RXRA: variants seen among roughly 807,000 people sequenced by gnomAD.
RXRA encodes retinoid X receptor alpha.
RXRA carries 5 observed loss-of-function variants against 44.5 expected under a neutral mutation model. That is an observed-to-expected ratio of 0.11 (90% confidence interval 0.06 to 0.24). The LOEUF (loss-of-function observed/expected upper bound fraction) is 0.24, where lower values mean the gene tolerates loss of function less well. Among genes scored for constraint, RXRA ranks in the 10% least tolerant of loss-of-function variants. The probability of loss-of-function intolerance (pLI) is 1.00; values close to 1 mark genes in which losing one functional copy is unlikely to be tolerated. For synonymous variants in RXRA, 291 were observed against 271.4 expected, an observed-to-expected ratio of 1.07 and a Z score of -0.71; for missense variants, 412 against 646.5, an observed-to-expected ratio of 0.64 and a Z score of 3.93.
chr9:134,426,893 G>C lies in RXRA; in HGVS notation c.911-2215G>C, dbSNP rs1831442843. ...CAGGAAGTCTGTCCACACTGGGCCTGGTGTGGGAAGGGAGGGAGAGCCCTT... is the reference window on the plus strand; with the variant it reads ...CAGGAAGTCTGTCCACACTGGGCCTCGTGTGGGAAGGGAGGGAGAGCCCTT... On this transcript the variant is annotated intron_variant, in intron 6 of 9. Transcript: ENST00000481739. The surrounding 1 kb of genome is among the most constrained non-coding windows in gnomAD (Gnocchi z 4.6). 1 of 985,246 alleles carries C rather than the reference G, an allele frequency of 1.0e-6. No individual in the cohort carries two copies. The highest frequency in any genetic ancestry group is 1.2e-6 in the Non-Finnish European group (1 of 829,906). The allele number at this position is 985,246 out of a possible 1,614,324, so 61.0% of individuals were successfully genotyped here.
intron 1 of RXRA, among the ~76,000 whole-genome samples, chr9:134,397,799 C>T (rs114010192): frequency 0.015 from 2,282 of 152,172 alleles, 53 homozygotes; most frequent in African/African-American, 0.052. Flanking sequence ...TTCAGTTTTG[C>T]CACTCAGGCC....
intron 1 of RXRA, among the ~76,000 whole-genome samples, chr9:134,375,048 C>T (rs1017178308): frequency 2.0e-5 from 3 of 152,112 alleles, no homozygotes; most frequent in Non-Finnish European, 4.4e-5. Flanking sequence ...AGGGAGTGCT[C>T]TTGAGGGGGT....
At chr9:134,347,140 T>A (rs1554748919) in intron 1 of RXRA, among the ~76,000 whole-genome samples, 1 of 150,988 alleles carries the variant, frequency 6.6e-6, no homozygotes, top group Non-Finnish European at 1.5e-5. Flanking sequence ...GATGGAGGCC[T>A]TGCCATCACT....
intron 1 of RXRA, among the ~76,000 whole-genome samples, chr9:134,330,592 C>T (rs1389161825): frequency 1.3e-5 from 2 of 152,228 alleles, no homozygotes; most frequent in African/African-American, 4.8e-5. Context: ...GGGTGCAGCT[C>T]TGTCTTTCAT....
At chr9:134,434,406 G>A (rs748679602) in intron 9 of RXRA, among the ~76,000 whole-genome samples, 199 bp downstream of exon 9, 76 of 152,084 alleles carry the variant, frequency 5.0e-4, no homozygotes, top group Non-Finnish European at 6.5e-4. Flanking sequence ...GGCCCACGTC[G>A]TATCCCCACT....
Position 134,433,684 on chromosome 9 carries a change from G to A in RXRA, c.1136-418G>A, listed in dbSNP as rs1831569031. ...TCCGCAGGGTCTGGGTACTCCTGGG[G>A]GCAGCAGCGCTATCTCCCATCCATG... On this transcript the variant is annotated intron_variant, in intron 8 of 9. Coordinates refer to ENST00000481739, the MANE Select transcript of RXRA (RefSeq NM_002957.6). The surrounding 1 kb of genome is among the most constrained non-coding windows in gnomAD (Gnocchi z 4.2). 6.6e-6 allele frequency among the ~76,000 whole-genome samples: 1 copy of A among 152,144 alleles called. No individual in the cohort carries two copies. The highest frequency in any genetic ancestry group is 1.5e-5 in the Non-Finnish European group (1 of 68,008).
chr9:134,426,538 T>C lies in RXRA; in HGVS notation c.911-2570T>C, dbSNP rs1450241848. ...GAGAGACTCCGCACTGTTCTGTCCG[T>C]GTGTCTGGGCTCCTGACCTGTATCC... On this transcript the variant is annotated intron_variant, in intron 6 of 9. Transcript: ENST00000481739. This position sits in a 1 kb window ranked among gnomAD's most constrained non-coding sequence, Gnocchi z 4.6. 1 of 985,302 alleles carries C rather than the reference T, an allele frequency of 1.0e-6. No individual in the cohort carries two copies. The highest frequency in any genetic ancestry group is 1.2e-6 in the Non-Finnish European group (1 of 829,932). The allele number at this position is 985,302 out of a possible 1,614,324, so 61.0% of individuals were successfully genotyped here.
chr9:134,389,252 T>G (rs920005623), intron 1 of RXRA, among the ~76,000 whole-genome samples: 4 of 152,162 alleles, frequency 2.6e-5, no homozygotes, highest in African/African-American at 9.7e-5. Context: ...GAAATGCAGT[T>G]TTGCTGGGTT....
intron 1 of RXRA, among the ~76,000 whole-genome samples, chr9:134,393,976 G>T (rs1336641665): frequency 6.6e-6 from 1 of 151,848 alleles, no homozygotes; most frequent in Non-Finnish European, 1.5e-5. Flanking sequence ...GCTCAGTATG[G>T]CCAAGAGGAC....
Position 134,410,009 on chromosome 9 carries a change from A to T in RXRA, c.610+890A>T, listed in dbSNP as rs542451681. ...CGCCAGCCCCTGGTGGGGTCCCCAA[A>T]CAGGACCCACACCACTGTCTCACCG... is the stretch of plus-strand genomic sequence containing the variant. On this transcript the variant is annotated intron_variant, in intron 4 of 9. Transcript: ENST00000481739. 5.3e-5 allele frequency among the ~76,000 whole-genome samples: 8 copies of T among 152,148 alleles called. No individual in the cohort carries two copies. In the East Asian group the frequency reaches 1.5e-3, roughly 29 times the overall value.
At chr9:134,359,332 T>G (rs1830321528) in intron 1 of RXRA, among the ~76,000 whole-genome samples, 1 of 152,082 alleles carries the variant, frequency 6.6e-6, no homozygotes, top group African/African-American at 2.4e-5. Flanking sequence ...TTCGAAAGCT[T>G]TGGAGGCCCC....
chr9:134,355,147 A>G (rs1830267842), intron 1 of RXRA, among the ~76,000 whole-genome samples: 1 of 152,160 alleles, frequency 6.6e-6, no homozygotes, highest in African/African-American at 2.4e-5. Flanking sequence ...GGGCCACCCC[A>G]TCTCTGCAGG....
intron 1 of RXRA, among the ~76,000 whole-genome samples, chr9:134,345,316 A>G (rs1290683499): frequency 6.6e-6 from 1 of 152,026 alleles, no homozygotes; most frequent in Non-Finnish European, 1.5e-5. Context: ...AGCTGCTGGG[A>G]AGGAGGTGGA....
intron 1 of RXRA, among the ~76,000 whole-genome samples, chr9:134,370,527 A>T (rs1266322413): frequency 6.6e-6 from 1 of 152,232 alleles, no homozygotes; most frequent in East Asian, 1.9e-4. Context: ...CCGTAGACGA[A>T]GGGCTCATGG....
chr9:134,412,844 G>C lies in RXRA; in HGVS notation c.610+3725G>C, dbSNP rs576417916. Among the ~76,000 whole-genome samples, 309 of 152,316 alleles carry C rather than the reference G, an allele frequency of 2.0e-3. 3 individuals are homozygous for C. Among genetic ancestry groups the C allele is most frequent in the Middle Eastern group, 3.4e-3 (1 of 294 alleles). ...CGGGGGAGACATTGGTCTAGAGGGG[G>C]CAGTGGCTGTCCCCCATTCTGCTTC... On this transcript the variant is annotated intron_variant, in intron 4 of 9. Coordinates refer to ENST00000481739, the MANE Select transcript of RXRA (RefSeq NM_002957.6).
Position 134,335,854 on chromosome 9 carries a change from T to TAG in RXRA, c.28+9195_28+9196insAG, listed in dbSNP as rs1829993551. On this transcript the variant is annotated intron_variant, in intron 1 of 9. Coordinates refer to ENST00000481739, the MANE Select transcript of RXRA (RefSeq NM_002957.6). ...CCACCTATTCCTATACCCCTTGGTC[T>TAG]GTCCCTGTAGTGCCCTGTGGTCCTG... is the stretch of plus-strand genomic sequence containing the variant. Among the ~76,000 whole-genome samples, 2 of 152,160 alleles carry TAG rather than the reference T, an allele frequency of 1.3e-5. 1 individual carries two copies. Among genetic ancestry groups the TAG allele is most frequent in the Admixed American group, 1.3e-4 (2 of 15,292 alleles).
intron 1 of RXRA, among the ~76,000 whole-genome samples, chr9:134,338,625 T>G (rs1190772371): frequency 2.0e-5 from 3 of 152,102 alleles, no homozygotes; most frequent in Non-Finnish European, 4.4e-5. Context: ...CGGCTGCTGG[T>G]GGGGGCAGGG....
intron 1 of RXRA, among the ~76,000 whole-genome samples, chr9:134,393,587 AT>A (rs1455263995): frequency 6.6e-6 from 1 of 152,218 alleles, no homozygotes; most frequent in Non-Finnish European, 1.5e-5. Context: ...ATCTGGTTGA[AT>A]GTAGCTGGGC....
At chr9:134,415,135 G>T (rs1831213090) in intron 4 of RXRA, among the ~76,000 whole-genome samples, 1 of 152,246 alleles carries the variant, frequency 6.6e-6, no homozygotes, top group Admixed American at 6.5e-5. Context: ...AGCTGGGGAT[G>T]GGCCTCCCCG....
Sources: gnomAD v4.1 joint callset for allele counts (sites outside exome capture counted in the v4.1 genomes callset) on GRCh38, gnomAD v4.1.1 for gene constraint, Gnocchi (gnomAD v3.1) non-coding constraint, MANE v1.5 for transcripts, NCBI Gene and HGNC (gene_info 2026-07-23, HGNC 2026-07-21) for gene names.